The following SEPTIN11 variants were observed in gnomAD, a reference collection of about 807,000 sequenced individuals.
SEPTIN11 encodes the protein septin 11.
A neutral mutation model predicts 51.4 loss-of-function variants in SEPTIN11; 25 were observed. The ratio of observed to expected loss-of-function variants is 0.49; its 90% CI spans 0.35 to 0.68. The LOEUF (loss-of-function observed/expected upper bound fraction) is 0.68. SEPTIN11 is among the 30% of genes least tolerant of loss of function. SEPTIN11 has a pLI of 0.00. For synonymous variants in SEPTIN11, 174 were observed against 184.1 expected (o/e 0.95, Z 0.44); for missense variants, 381 against 520.8 (o/e 0.73, Z 2.61).
intron 1 of SEPTIN11, among the ~76,000 whole-genome samples, chr4:76,957,003 A>T (rs527799252): frequency 0.58 from 73,544 of 127,488 alleles, 19,465 homozygotes; most frequent in Non-Finnish European, 0.61. Flanking sequence ...TGAGAGAGAG[A>T]GAGACAGAGA....
intron 1 of SEPTIN11, among the ~76,000 whole-genome samples, chr4:76,955,217 C>G (rs977873466): frequency 6.6e-6 from 1 of 152,162 alleles, no homozygotes; most frequent in African/African-American, 2.4e-5. Context: ...CCTGTTTTAT[C>G]AGACATTTCT....
At chr4:76,977,089 G>A (rs1722536248) in intron 1 of SEPTIN11, among the ~76,000 whole-genome samples, 1 of 152,176 alleles carries the variant, frequency 6.6e-6, no homozygotes, top group Admixed American at 6.5e-5. Context: ...TTTTTGGTGG[G>A]AGAGAAATTT....
chr4:76,991,360 G>A (rs1462599875), intron 1 of SEPTIN11, among the ~76,000 whole-genome samples: 1 of 152,232 alleles, frequency 6.6e-6, no homozygotes, highest in Non-Finnish European at 1.5e-5. Flanking sequence ...ACCCATGTCT[G>A]TCTGACTCTA....
rs540966308 is a variant in SEPTIN11, at chr4:76,996,600, C to T, written c.142+61C>T. The T allele has an allele frequency of 1.1e-4, 134 of 1,170,604 alleles. 1 individual carries two copies. The East Asian group carries it at 3.0e-3, about 26-fold the overall frequency. 72.5% of individuals were successfully genotyped at this position (1,170,604 alleles called of 1,614,324 possible). A position where few individuals can be genotyped will look rare whatever the true frequency, so the allele number is the denominator to read the frequency against. ...TCCTTAGATATTGACAGGTAACTGT[C>T]GGAGAGACATGCTTCAGTGAAATAA... On this transcript the variant is annotated intron_variant, in intron 2 of 9. Coordinates refer to ENST00000264893, the MANE Select transcript of SEPTIN11 (RefSeq NM_018243.4).
chr4:77,008,394 T>C (rs2109952009), intron 3 of SEPTIN11, among the ~76,000 whole-genome samples: 1 of 152,364 alleles, frequency 6.6e-6, no homozygotes, highest in Non-Finnish European at 1.5e-5. Context: ...CAAATCTTTA[T>C]CAGAGTTATA....
intron 1 of SEPTIN11, among the ~76,000 whole-genome samples, chr4:76,992,419 A>T (rs1270146829): frequency 6.6e-6 from 1 of 152,166 alleles, no homozygotes; most frequent in Non-Finnish European, 1.5e-5. Context: ...GTTTCATGAG[A>T]TAGCAATGAC....
At position 76,949,805 on chromosome 4, in the gene SEPTIN11, A is replaced by G; in HGVS notation, c.-99A>G. ...CGCCGGCGAGCAGAGCGCAGCCGCG[A>G]GGGAGGCGCGAGGGAGGCGAGCCGG... On this transcript the variant is annotated 5_prime_UTR_variant, in exon 1 of 10. Coordinates refer to ENST00000264893, the MANE Select transcript of SEPTIN11 (RefSeq NM_018243.4). 2 of 1,318,970 alleles carry G rather than the reference A, an allele frequency of 1.5e-6. No individual in the cohort carries two copies. Among genetic ancestry groups the G allele is most frequent in the Non-Finnish European group, 2.1e-6 (2 of 968,848 alleles). 81.7% of individuals were successfully genotyped at this position (1,318,970 alleles called of 1,614,324 possible).
intron 1 of SEPTIN11, among the ~76,000 whole-genome samples, chr4:76,993,754 T>A (rs1723506716): frequency 6.6e-6 from 1 of 152,220 alleles, no homozygotes; most frequent in Non-Finnish European, 1.5e-5. Context: ...AAAATTTACA[T>A]ATTCTATATT....
intron 1 of SEPTIN11, among the ~76,000 whole-genome samples, chr4:76,950,830 G>GGGC (rs1384689408): frequency 2.0e-5 from 3 of 152,176 alleles, no homozygotes; most frequent in African/African-American, 7.2e-5. Flanking sequence ...GCGGAGGAAG[G>GGGC]GGCGGCGGCG....
intron 5 of SEPTIN11, among the ~76,000 whole-genome samples, chr4:77,016,633 C>CACATATATATATATATCTATATAT (rs1375044162): frequency 5.5e-5 from 4 of 72,746 alleles, no homozygotes; most frequent in Non-Finnish European, 5.4e-5. Flanking sequence ...TATATATACA[C>CACATATATATATATATCTATATAT]ATATATATAT....
chr4:76,998,727 TC>T (rs142589518), intron 2 of SEPTIN11, among the ~76,000 whole-genome samples: 1,857 of 152,240 alleles, frequency 0.012, 38 homozygotes, highest in African/African-American at 0.042. Flanking sequence ...TGATCCTGCT[TC>T]TGCTTGCTTC....
intron 8 of SEPTIN11, among the ~76,000 whole-genome samples, chr4:77,030,080 A>AC (rs1726500714): frequency 6.6e-6 from 1 of 151,784 alleles, no homozygotes; most frequent in African/African-American, 2.4e-5. Context: ...AAATGGTGAA[A>AC]CCCCGTCTCT....
chr4:77,038,626 C>CT, downstream of SEPTIN11: 1 of 994,778 alleles, frequency 1.0e-6, no homozygotes, highest in African/African-American at 1.7e-5. Context: ...TTTGTGTGCC[C>CT]TTTTTTGTGA....
chr4:77,025,920 G>C (rs1726100626), intron 7 of SEPTIN11, among the ~76,000 whole-genome samples: 1 of 152,208 alleles, frequency 6.6e-6, no homozygotes, highest in Non-Finnish European at 1.5e-5. Flanking sequence ...CCAGACTCAT[G>C]TCTGAAGCTA....
chr4:76,954,987 T>A (rs904519445), intron 1 of SEPTIN11, among the ~76,000 whole-genome samples: 3 of 152,210 alleles, frequency 2.0e-5, no homozygotes, highest in African/African-American at 4.8e-5. Flanking sequence ...TTATTTATTT[T>A]TTTTTGCATT....
chr4:76,987,864 T>A, intron 1 of SEPTIN11: 1 of 970,874 alleles, frequency 1.0e-6, no homozygotes, highest in Non-Finnish European at 1.2e-6. Flanking sequence ...TGACCTAAGA[T>A]GAAGGGGTAT....
chr4:77,036,520 G>A lies in SEPTIN11; in HGVS notation c.*2008G>A, dbSNP rs1727034869. On this transcript the variant is annotated 3_prime_UTR_variant, in exon 10 of 10. Transcript: ENST00000264893. The stretch of plus-strand genomic sequence containing the variant: ...ATTTTTTTAAAATGAGCATAACAAC[G>A]AAAGGCATCCAGCTGACTTTTTGAT... 2.9e-6 allele frequency: 4 copies of A among 1,371,370 alleles called. No homozygotes were observed. Among genetic ancestry groups the A allele is most frequent in the Non-Finnish European group, 1.9e-6 (2 of 1,066,234 alleles). The allele number at this position is 1,371,370 out of a possible 1,614,324, so 85.0% of individuals were successfully genotyped here. A position where few individuals can be genotyped will look rare whatever the true frequency, so the allele number is the denominator to read the frequency against.
chr4:76,994,750 T>C (rs962377050), intron 1 of SEPTIN11, among the ~76,000 whole-genome samples: 1 of 152,134 alleles, frequency 6.6e-6, no homozygotes, highest in African/African-American at 2.4e-5. Context: ...TGGAGTCACA[T>C]TTCTGTGCCT....
chr4:76,953,788 AATTT>A lies in SEPTIN11; in HGVS notation c.27+3861_27+3864del, dbSNP rs1352062694. Among the ~76,000 whole-genome samples the A allele has an allele frequency of 4.6e-5, 7 of 152,340 alleles. No individual in the cohort carries two copies. In the East Asian group the frequency reaches 1.3e-3, roughly 29 times the overall value. The stretch of plus-strand genomic sequence containing the variant: ...TAAAATCTTTCGAAAGTTATAGATT[AATTT>A]ATCTTTTAAATTATCATCTTTAAAA... On this transcript the variant is annotated intron_variant, in intron 1 of 9. Coordinates refer to ENST00000264893, the MANE Select transcript of SEPTIN11 (RefSeq NM_018243.4).
Sources: gnomAD v4.1 joint callset for allele counts (sites outside exome capture counted in the v4.1 genomes callset) on GRCh38, gnomAD v4.1.1 for gene constraint, MANE v1.5 for transcripts, NCBI Gene and HGNC (gene_info 2026-07-23, HGNC 2026-07-21) for gene names.